Variants in TUBB6 observed in about 807,000 individuals in gnomAD.
The protein encoded by TUBB6 is tubulin beta 6 class V.
A neutral mutation model predicts 32.3 loss-of-function variants in TUBB6; 18 were observed. The observed-to-expected ratio is 0.56, with a 90% CI of 0.39 to 0.83. The LOEUF (loss-of-function observed/expected upper bound fraction) is 0.83, where lower values mean the gene tolerates loss of function less well. TUBB6 is among the 40% of genes least tolerant of loss of function. TUBB6 has a pLI of 0.00. For missense variants in TUBB6, 480 were observed against 632.0 expected (o/e 0.76, Z 2.58); for synonymous variants, 280 against 265.8 (o/e 1.05, Z -0.52).
At chr18:12,319,372 T>C (rs1028379155) in intron 3 of TUBB6, among the ~76,000 whole-genome samples, 2 of 152,070 alleles carry the variant, frequency 1.3e-5, no homozygotes, top group Non-Finnish European at 2.9e-5. Context: ...CTCGAACTCC[T>C]GACCTCAGGT....
At chr18:12,323,416 G>A (rs2036935233) in intron 3 of TUBB6, among the ~76,000 whole-genome samples, 1 of 152,106 alleles carries the variant, frequency 6.6e-6, no homozygotes, top group African/African-American at 2.4e-5. Context: ...TTTAAAATGA[G>A]ATAAAATGAA....
intron 3 of TUBB6, among the ~76,000 whole-genome samples, chr18:12,314,922 T>A (rs1906588735): frequency 6.6e-6 from 1 of 152,010 alleles, no homozygotes; most frequent in Non-Finnish European, 1.5e-5. Flanking sequence ...GTGATTCGTA[T>A]TTATTTTTAA....
chr18:12,327,866 G>A (rs1049852134), downstream of TUBB6, among the ~76,000 whole-genome samples: 3 of 152,246 alleles, frequency 2.0e-5, no homozygotes, highest in African/African-American at 7.2e-5. Context: ...AGGCCTGTGA[G>A]AGGGCAGCCC....
At chr18:12,308,865 G>A in intron 2 of TUBB6, 70 bp downstream of exon 2, 1 of 1,062,702 alleles carries the variant, frequency 9.4e-7, no homozygotes, top group Non-Finnish European at 1.5e-6. Context: ...GCCTCTTAGC[G>A]CGGCGAGTTT....
chr18:12,313,127 G>A (rs1487355662), intron 3 of TUBB6, among the ~76,000 whole-genome samples: 1 of 145,040 alleles, frequency 6.9e-6, no homozygotes. Context: ...GAAACCCATA[G>A]CAACATTACA....
At chr18:12,309,413 C>T (rs994221089) in intron 2 of TUBB6, among the ~76,000 whole-genome samples, 1 of 76,462 alleles carries the variant, frequency 1.3e-5, no homozygotes, top group African/African-American at 5.0e-5. Flanking sequence ...CCCCCCCCCC[C>T]CAGTTTAAAA....
chr18:12,329,262 G>A (rs1443422269), downstream of TUBB6: 11 of 700,514 alleles, frequency 1.6e-5, no homozygotes, highest in South Asian at 3.0e-5. Flanking sequence ...ACGGTCAGCC[G>A]ACCCCACTTG....
intron 3 of TUBB6, among the ~76,000 whole-genome samples, chr18:12,316,747 G>C (rs577409240): frequency 6.6e-6 from 1 of 152,332 alleles, no homozygotes; most frequent in South Asian, 2.1e-4. Flanking sequence ...AACTGGAGAT[G>C]ATCCATCCTC....
intron 3 of TUBB6, 166 bp downstream of exon 3, chr18:12,311,219 G>GT (rs1016479677): frequency 6.1e-5 from 34 of 556,576 alleles, no homozygotes; most frequent in East Asian, 1.5e-4. Context: ...ACAAGGAACA[G>GT]TTTTTTTTAA....
intron 2 of TUBB6, among the ~76,000 whole-genome samples, chr18:12,310,651 G>GT (rs926678820): frequency 2.7e-4 from 40 of 147,136 alleles, no homozygotes; most frequent in African/African-American, 9.7e-4. Context: ...AATTTTCTTG[G>GT]TTTTTTGTTT....
At chr18:12,321,597 C>T (rs1410034067) in intron 3 of TUBB6, among the ~76,000 whole-genome samples, 1 of 152,166 alleles carries the variant, frequency 6.6e-6, no homozygotes, top group African/African-American at 2.4e-5. Flanking sequence ...CAGGGATGGA[C>T]CTGCCCACGT....
chr18:12,328,534 C>T (rs985998849), downstream of TUBB6, among the ~76,000 whole-genome samples: 2 of 152,178 alleles, frequency 1.3e-5, no homozygotes, highest in Non-Finnish European at 2.9e-5. Flanking sequence ...CCTGAGATGT[C>T]CCCAGAGAGC....
downstream of TUBB6, chr18:12,329,490 T>C: frequency 2.0e-6 from 3 of 1,475,596 alleles, no homozygotes; most frequent in Admixed American, 5.0e-5. Context: ...TTCCCATTCT[T>C]CTGAAAGCCA....
intron 3 of TUBB6, among the ~76,000 whole-genome samples, chr18:12,323,581 G>A (rs1441726035): frequency 5.9e-5 from 9 of 152,156 alleles, no homozygotes; most frequent in African/African-American, 2.2e-4. Flanking sequence ...GCCGAAGTGG[G>A]TGGATCACGA....
At chr18:12,314,405 A>G (rs907192062) in intron 3 of TUBB6, among the ~76,000 whole-genome samples, 1 of 152,070 alleles carries the variant, frequency 6.6e-6, no homozygotes, top group Non-Finnish European at 1.5e-5. Flanking sequence ...AGTCTGAATT[A>G]TAGTTGGCTG....
At chr18:12,312,347 G>A (rs911716434) in intron 3 of TUBB6, among the ~76,000 whole-genome samples, 2 of 150,734 alleles carry the variant, frequency 1.3e-5, no homozygotes, top group African/African-American at 2.5e-5. Flanking sequence ...GACCAAGTAA[G>A]ACTGAGAGGC....
chr18:12,319,406 A>G (rs1272201396), intron 3 of TUBB6, among the ~76,000 whole-genome samples: 2 of 151,710 alleles, frequency 1.3e-5, no homozygotes, highest in Non-Finnish European at 2.9e-5. Context: ...CGGCCTCCCA[A>G]AAGTACTGGG....
intron 3 of TUBB6, among the ~76,000 whole-genome samples, chr18:12,317,153 CAAAAA>C (rs773323455): frequency 1.5e-5 from 1 of 66,424 alleles, no homozygotes; most frequent in Admixed American, 1.8e-4. Context: ...GAGACCCTGT[CAAAAA>C]AAAAAAAAAA....
At chr18:12,315,140 C>G (rs1434713491) in intron 3 of TUBB6, among the ~76,000 whole-genome samples, 1 of 151,964 alleles carries the variant, frequency 6.6e-6, no homozygotes, top group African/African-American at 2.4e-5. Context: ...TCATTTATAT[C>G]TTTTTCCATT....
Sources: allele counts gnomAD v4.1 joint callset (sites outside exome capture counted in the v4.1 genomes callset), GRCh38; gene constraint gnomAD v4.1.1; transcripts MANE v1.5; gene names NCBI Gene and HGNC (gene_info 2026-07-23, HGNC 2026-07-21).